FAM83A: variants seen among roughly 807,000 people sequenced by gnomAD.
FAM83A encodes scaffolding CK1 anchoring protein A.
FAM83A carries 21 observed loss-of-function variants against 24.4 expected under a neutral mutation model. The ratio of observed to expected loss-of-function variants is 0.86; its 90% confidence interval spans 0.61 to 1.24. FAM83A has a LOEUF of 1.24. Among genes scored for constraint, FAM83A ranks in the 50% most tolerant of loss-of-function variants. The probability of loss-of-function intolerance (pLI) is 0.00; values close to 1 mark genes in which losing one functional copy is unlikely to be tolerated. For synonymous variants in FAM83A, 270 were observed against 252.4 expected, an observed-to-expected ratio of 1.07 and a Z score of -0.66; for missense variants, 617 against 579.8, an observed-to-expected ratio of 1.06 and a Z score of -0.66.
In FAM83A at chr8:123,209,041, TC is replaced by T. The variant is rs1239364398; in HGVS notation, c.*1356del. 1.0e-6 allele frequency: 1 copy of T among 990,836 alleles called. No individual in the cohort carries two copies. Among genetic ancestry groups the T allele is most frequent in the East Asian group, 1.1e-4 (1 of 9,156 alleles). The allele number at this position is 990,836 out of a possible 1,614,324, so 61.4% of individuals were successfully genotyped here. A position where few individuals can be genotyped will look rare whatever the true frequency, so the allele number is the denominator to read the frequency against. On this transcript the variant is annotated 3_prime_UTR_variant, in exon 4 of 4. Transcript: ENST00000690554. The surrounding 1 kb of genome is among the most constrained non-coding windows in gnomAD (Gnocchi z 4.7). ...TGGTGGGTGGGATGTCAGAGACACT[TC>T]CCAGATAAAGTAAGAGTTAACCCTG... is the stretch of plus-strand genomic sequence containing the variant.
intron 1 of FAM83A, among the ~76,000 whole-genome samples, chr8:123,189,162 G>T (rs1310122290): frequency 2.0e-5 from 3 of 152,340 alleles, no homozygotes; most frequent in Non-Finnish European, 4.4e-5. Context: ...ATGTGTGCAA[G>T]ACAATTAATT....
rs1823849140 is a variant in FAM83A at position 123,187,625 on chromosome 8, C to A, written c.481-4178C>A. ...GTAAAGAACTATTTCAAAAACTATT[C>A]AGTTTTAGTTTCTAATATGGCAAAC... On this transcript the variant is annotated intron_variant, in intron 1 of 3. Coordinates refer to ENST00000690554, the Ensembl canonical transcript of FAM83A. 2.6e-5 allele frequency among the ~76,000 whole-genome samples: 4 copies of A among 152,102 alleles called. No individual in the cohort carries two copies. In the South Asian group the frequency reaches 8.3e-4, roughly 32 times the overall value.
chr8:123,207,164 T>A, exon 4 of FAM83A: 2 of 1,332,426 alleles, frequency 1.5e-6, no homozygotes, highest in East Asian at 9.6e-5. Context: ...CAGCTTCACC[T>A]GGCTCTGCGG....
At position 123,209,366 on chromosome 8, in the gene FAM83A, T is replaced by TTTATTA. The variant is rs371810691; in HGVS notation, c.*1694_*1699dup. On this transcript the variant is annotated 3_prime_UTR_variant, in exon 4 of 4. Coordinates refer to ENST00000690554, the Ensembl canonical transcript of FAM83A. This position sits in a 1 kb window ranked among gnomAD's most constrained non-coding sequence, Gnocchi z 4.7. ...TGGGGCATCTTGGCTTCTGGTTTCTTTTATTATTATTATTATTATTAATTA... is the reference window on the plus strand; with the variant it reads ...TGGGGCATCTTGGCTTCTGGTTTCTTTTATTATTATTATTATTATTATTATTAATTA... 784 of 1,469,052 alleles carry TTTATTA rather than the reference T, an allele frequency of 5.3e-4. 4 individuals are homozygous for TTTATTA. In the African/African-American group the frequency reaches 9.4e-3, roughly 18 times the overall value. 91.0% of individuals were successfully genotyped at this position (1,469,052 alleles called of 1,614,324 possible).
chr8:123,180,909 AAG>A (rs893968186), upstream of FAM83A, among the ~76,000 whole-genome samples: 1 of 150,102 alleles, frequency 6.7e-6, no homozygotes, highest in African/African-American at 2.5e-5. Flanking sequence ...AAAAAAGAGA[AAG>A]AGAGAGATTC....
At chr8:123,195,055 G>A (rs917987925) in intron 3 of FAM83A, among the ~76,000 whole-genome samples, 1 of 152,122 alleles carries the variant, frequency 6.6e-6, no homozygotes, top group Non-Finnish European at 1.5e-5. Context: ...ATTTGATGGT[G>A]GATTTTGTGA....
At chr8:123,189,363 C>T (rs1436338754) in intron 1 of FAM83A, among the ~76,000 whole-genome samples, 1 of 152,222 alleles carries the variant, frequency 6.6e-6, no homozygotes, top group Non-Finnish European at 1.5e-5. Flanking sequence ...ACCTCTCTTT[C>T]CTTGGCTACT....
chr8:123,182,250 A>G (rs572878242), upstream of FAM83A: 5 of 394,904 alleles, frequency 1.3e-5, no homozygotes, highest in East Asian at 3.6e-4. Context: ...GACCAAGGAG[A>G]GGAGGCGCGC....
Position 123,207,641 on chromosome 8 carries a change from CTG to C in FAM83A, c.1259_1260del (p.Leu420HisfsTer126). ...GGAGCAGCTGGGCCTGGTGCCGAGG[CTG>C]ACTCCAACCTGGAGGCCCTTCCTGC... On this transcript the variant is annotated frameshift_variant, in exon 4 of 4. Coordinates refer to ENST00000690554, the Ensembl canonical transcript of FAM83A. LOFTEE classifies it high-confidence loss of function. 1.1e-5 allele frequency: 17 copies of C among 1,544,594 alleles called. No individual in the cohort carries two copies. The highest frequency in any genetic ancestry group is 1.5e-5 in the Non-Finnish European group (17 of 1,150,456).
chr8:123,191,475 C>A (rs754466469), intron 1 of FAM83A, among the ~76,000 whole-genome samples: 2 of 152,154 alleles, frequency 1.3e-5, no homozygotes, highest in South Asian at 4.1e-4. Context: ...GGTTGAGATG[C>A]TTCTTCTTGT....
chr8:123,207,636 C>T (rs768375844), exon 4 of FAM83A: 6 of 1,546,822 alleles, frequency 3.9e-6, no homozygotes, highest in East Asian at 2.4e-5. Flanking sequence ...GGCCTGGTGC[C>T]GAGGCTGACT....
At chr8:123,185,285 G>T (rs891965357) in intron 1 of FAM83A, among the ~76,000 whole-genome samples, 5 of 152,160 alleles carry the variant, frequency 3.3e-5, no homozygotes, top group Admixed American at 1.3e-4. Context: ...TGGTCTTTCC[G>T]CATGAAGTTC....
chr8:123,182,439 A>C, upstream of FAM83A: 1 of 392,922 alleles, frequency 2.5e-6, no homozygotes, highest in Non-Finnish European at 5.1e-6. Flanking sequence ...CCCATCCTCC[A>C]GCTGGGCTGG....
At chr8:123,186,675 C>T (rs1426327459) in intron 1 of FAM83A, among the ~76,000 whole-genome samples, 1 of 152,076 alleles carries the variant, frequency 6.6e-6, no homozygotes, top group South Asian at 2.1e-4. Flanking sequence ...ACTAAAAATA[C>T]AAAAATTAGC....
chr8:123,208,432 G>A, exon 4 of FAM83A: 1 of 985,584 alleles, frequency 1.0e-6, no homozygotes, highest in Non-Finnish European at 1.2e-6. Flanking sequence ...CTGGAGTCTA[G>A]ACTGGACCTA....
chr8:123,189,484 G>A (rs1823903971), intron 1 of FAM83A, among the ~76,000 whole-genome samples: 1 of 152,162 alleles, frequency 6.6e-6, no homozygotes, highest in Non-Finnish European at 1.5e-5. Flanking sequence ...CCCTGTGAAA[G>A]GAAAGTATCT....
chr8:123,188,709 T>C (rs1160835431), intron 1 of FAM83A, among the ~76,000 whole-genome samples: 8 of 152,062 alleles, frequency 5.3e-5, no homozygotes, highest in Non-Finnish European at 1.2e-4. Context: ...TTTCAAACTC[T>C]TGGCCTCAAG....
intron 1 of FAM83A, among the ~76,000 whole-genome samples, chr8:123,184,807 C>G (rs1034486002): frequency 3.3e-5 from 5 of 151,474 alleles, no homozygotes; most frequent in African/African-American, 9.8e-5. Context: ...CTCTCCCTCT[C>G]TCTCATTCAA....
chr8:123,184,984 TGGA>T (rs1823742905), intron 1 of FAM83A, among the ~76,000 whole-genome samples: 1 of 152,066 alleles, frequency 6.6e-6, no homozygotes, highest in African/African-American at 2.4e-5. Flanking sequence ...AGGCCATGTG[TGGA>T]GGAGGAGGGA....
Sources: gnomAD v4.1 joint callset for allele counts (sites outside exome capture counted in the v4.1 genomes callset) on GRCh38, gnomAD v4.1.1 for gene constraint, Gnocchi (gnomAD v3.1) non-coding constraint, MANE v1.5 for transcripts, NCBI Gene and HGNC (gene_info 2026-07-23, HGNC 2026-07-21) for gene names.